KHDRBS3: variants seen among roughly 807,000 people sequenced by gnomAD.
The protein encoded by KHDRBS3 is KH RNA binding domain containing, signal transduction associated 3, also known as KH domain-containing, RNA-binding, signal transduction-associated protein 3.
A neutral mutation model predicts 45.6 loss-of-function variants in KHDRBS3; 23 were observed. That is an observed-to-expected ratio of 0.50 (90% CI 0.36 to 0.72). The LOEUF (loss-of-function observed/expected upper bound fraction) is 0.72, where lower values mean the gene tolerates loss of function less well. KHDRBS3 is among the 30% of genes least tolerant of loss of function. The probability of loss-of-function intolerance (pLI) is 0.00; values close to 1 mark genes in which losing one functional copy is unlikely to be tolerated. For synonymous variants in KHDRBS3, 162 were observed against 156.5 expected, an observed-to-expected ratio of 1.04 and a Z score of -0.26; for missense variants, 352 against 424.8, an observed-to-expected ratio of 0.83 and a Z score of 1.51.
chr8:135,577,537 T>C (rs1189454492), intron 5 of KHDRBS3, among the ~76,000 whole-genome samples: 2 of 152,200 alleles, frequency 1.3e-5, no homozygotes, highest in Non-Finnish European at 2.9e-5. Context: ...GTGGCTTCTT[T>C]CACTTAGAAA....
chr8:135,511,775 G>T (rs774305315), intron 1 of KHDRBS3, among the ~76,000 whole-genome samples: 4 of 152,230 alleles, frequency 2.6e-5, no homozygotes, highest in Non-Finnish European at 5.9e-5. Context: ...AGCCAGAATG[G>T]TCTTGATCTC....
chr8:135,593,812 C>G (rs570977827), intron 6 of KHDRBS3, among the ~76,000 whole-genome samples: 16 of 152,154 alleles, frequency 1.1e-4, no homozygotes, highest in Non-Finnish European at 7.4e-5. Context: ...ACACAGTTAA[C>G]CTTGAGAATT....
intron 1 of KHDRBS3, among the ~76,000 whole-genome samples, chr8:135,483,455 A>G (rs1453374554): frequency 1.3e-5 from 2 of 152,184 alleles, no homozygotes; most frequent in Non-Finnish European, 2.9e-5. Context: ...AGATGTTGTC[A>G]TGGTGGCTAT....
chr8:135,630,259 G>C (rs779557766), intron 7 of KHDRBS3, among the ~76,000 whole-genome samples: 28 of 152,194 alleles, frequency 1.8e-4, no homozygotes, highest in Non-Finnish European at 3.5e-4. Flanking sequence ...TCCCTGGGGA[G>C]TATCTGGGTA....
At chr8:135,591,186 C>A (rs1031394485) in intron 6 of KHDRBS3, among the ~76,000 whole-genome samples, 1 of 152,174 alleles carries the variant, frequency 6.6e-6, no homozygotes, top group African/African-American at 2.4e-5. Flanking sequence ...TAAAGCCCAG[C>A]GTTCTGGCTC....
chr8:135,490,392 C>A (rs542652995), intron 1 of KHDRBS3, among the ~76,000 whole-genome samples: 1 of 152,212 alleles, frequency 6.6e-6, no homozygotes, highest in African/African-American at 2.4e-5. Flanking sequence ...CTCCTGTCTC[C>A]CTACCTCTTA....
chr8:135,526,055 A>T lies in KHDRBS3; in HGVS notation c.207+4700A>T, dbSNP rs561323021. ...GACAATTGCTTATAGTACTTAGTAC[A>T]GTAGCATGAGGTACAGGTTTGTAGC... On this transcript the variant is annotated intron_variant, in intron 2 of 8. Coordinates refer to ENST00000355849, the MANE Select transcript of KHDRBS3 (RefSeq NM_006558.3). 9.8e-5 allele frequency among the ~76,000 whole-genome samples: 15 copies of T among 152,288 alleles called. No homozygotes were observed. In the South Asian group the frequency reaches 3.1e-3, roughly 32 times the overall value.
chr8:135,477,672 C>T (rs111648495), intron 1 of KHDRBS3, among the ~76,000 whole-genome samples: 19 of 152,138 alleles, frequency 1.2e-4, no homozygotes, highest in African/African-American at 3.9e-4. Context: ...TGTTACCTTA[C>T]ATGGTAAAAG....
In KHDRBS3 at chr8:135,606,932, G is replaced by A. The variant is rs537419548; in HGVS notation, c.808-23G>A. 7 of 1,569,718 alleles carry A rather than the reference G, an allele frequency of 4.5e-6. No individual in the cohort carries two copies. In the South Asian group the frequency reaches 6.8e-5, roughly 15 times the overall value. ...TTTAGAAACTTCTCTGAATGTTTTT[G>A]TACTTCTCCTGTTATGTTTTAGGAC... On this transcript the variant is annotated intron_variant, in intron 6 of 8. Coordinates refer to ENST00000355849, the MANE Select transcript of KHDRBS3 (RefSeq NM_006558.3).
intron 6 of KHDRBS3, among the ~76,000 whole-genome samples, chr8:135,598,952 C>G (rs1829089742): frequency 6.6e-6 from 1 of 152,186 alleles, no homozygotes; most frequent in African/African-American, 2.4e-5. Context: ...AAAAATCACT[C>G]TTTTGTAAAT....
intron 7 of KHDRBS3, among the ~76,000 whole-genome samples, chr8:135,607,860 T>C (rs1224215676): frequency 6.6e-6 from 1 of 152,212 alleles, no homozygotes; most frequent in Non-Finnish European, 1.5e-5. Flanking sequence ...AGGTTCTCTT[T>C]ATTTGTTAAC....
intron 7 of KHDRBS3, among the ~76,000 whole-genome samples, chr8:135,641,648 C>T (rs1460367845): frequency 6.6e-6 from 1 of 152,194 alleles, no homozygotes; most frequent in Non-Finnish European, 1.5e-5. Flanking sequence ...ACCTGAGCGG[C>T]GTCTAGACCA....
chr8:135,484,415 C>T (rs1167468675), intron 1 of KHDRBS3, among the ~76,000 whole-genome samples: 2 of 152,170 alleles, frequency 1.3e-5, no homozygotes, highest in Non-Finnish European at 2.9e-5. Flanking sequence ...GGGCTAGGCC[C>T]CTCCTCTCCG....
intron 6 of KHDRBS3, among the ~76,000 whole-genome samples, chr8:135,584,652 T>C (rs1021995508): frequency 6.6e-6 from 1 of 152,194 alleles, no homozygotes; most frequent in African/African-American, 2.4e-5. Flanking sequence ...TAACAAACTT[T>C]GCTGGTACTT....
intron 1 of KHDRBS3, among the ~76,000 whole-genome samples, chr8:135,459,283 CTT>C (rs1307059794): frequency 2.0e-5 from 3 of 152,168 alleles, no homozygotes; most frequent in East Asian, 1.9e-4. Context: ...AGGAGAGACT[CTT>C]TACTGTCTCC....
At chr8:135,630,739 G>A (rs974815736) in intron 7 of KHDRBS3, among the ~76,000 whole-genome samples, 1 of 151,962 alleles carries the variant, frequency 6.6e-6, no homozygotes, top group Non-Finnish European at 1.5e-5. Context: ...GTATCTAAAC[G>A]TATCTAAACA....
At chr8:135,476,474 C>T (rs183571914) in intron 1 of KHDRBS3, among the ~76,000 whole-genome samples, 1 of 152,310 alleles carries the variant, frequency 6.6e-6, no homozygotes, top group East Asian at 1.9e-4. Flanking sequence ...TATTGTGCTC[C>T]TCTTTAACTG....
intron 7 of KHDRBS3, among the ~76,000 whole-genome samples, chr8:135,628,108 A>G (rs989982654): frequency 2.4e-4 from 37 of 151,914 alleles, no homozygotes; most frequent in African/African-American, 8.0e-4. Flanking sequence ...TCTGTTGTCA[A>G]TTGAAGCATT....
intron 6 of KHDRBS3, among the ~76,000 whole-genome samples, chr8:135,582,713 T>C (rs944199912): frequency 6.6e-6 from 1 of 152,224 alleles, no homozygotes; most frequent in Non-Finnish European, 1.5e-5. Context: ...AGGTGATTCA[T>C]ATTAATAATT....
Sources: gnomAD v4.1 joint callset for allele counts (sites outside exome capture counted in the v4.1 genomes callset) on GRCh38, gnomAD v4.1.1 for gene constraint, MANE v1.5 for transcripts, NCBI Gene and HGNC (gene_info 2026-07-23, HGNC 2026-07-21) for gene names.